The following ACOT9 variants were observed in gnomAD, a reference collection of about 807,000 sequenced individuals.
ACOT9 encodes acyl-coenzyme A thioesterase 9, mitochondrial.
ACOT9 carries 34 observed loss-of-function variants against 39.7 expected under a neutral mutation model. The observed-to-expected ratio is 0.86, with a 90% CI of 0.65 to 1.14. ACOT9 has a LOEUF of 1.14. Ranked by LOEUF, ACOT9 falls within the 50% of genes most tolerant of loss-of-function variation. The pLI is 0.00. For missense variants in ACOT9, 313 were observed against 344.1 expected, an observed-to-expected ratio of 0.91 and a Z score of 0.71; for synonymous variants, 110 against 120.5, an observed-to-expected ratio of 0.91 and a Z score of 0.57.
At position 23,702,129 on chromosome X, in the gene ACOT9, T is replaced by C. The variant is rs1015562584; in HGVS notation, c.*1765A>G. ...ACCTAATTCTGAGGCAGAGCCAAGT[T>C]TGTGAACACTAATGTAGAACCCACA... On this transcript the variant is annotated 3_prime_UTR_variant, in exon 16 of 16. Coordinates refer to ENST00000379303, the MANE Select transcript of ACOT9 (RefSeq NM_001037171.2). 1.8e-5 allele frequency: 2 copies of C among 110,961 alleles called. No individual in the cohort carries two copies. The highest frequency in any genetic ancestry group is 6.6e-5 in the African/African-American group (2 of 30,497). The allele number at this position is 110,961 out of a possible 1,213,427, so 9.1% of individuals were successfully genotyped here.
At position 23,736,296 on chromosome X, in the gene ACOT9, GTCTT is replaced by G. The variant is rs775151917; in HGVS notation, c.21-284_21-281del. ...ACTAGGTTTAATGCATTTATTATTG[GTCTT>G]TCTATTTTATTAGTTTCAGAAGTCC... On this transcript the variant is annotated intron_variant, in intron 1 of 15. Coordinates refer to ENST00000379303, the MANE Select transcript of ACOT9 (RefSeq NM_001037171.2). Among the ~76,000 whole-genome samples the G allele has an allele frequency of 1.9e-4, 21 of 111,901 alleles. No homozygotes were observed. In the Admixed American group the frequency reaches 1.9e-3, roughly 10 times the overall value.
intron 6 of ACOT9, among the ~76,000 whole-genome samples, chrX:23,726,498 C>T (rs1049463914): frequency 1.3e-4 from 14 of 110,244 alleles, no homozygotes; most frequent in Non-Finnish European, 2.1e-4. Flanking sequence ...GATTCAATGG[C>T]GTGGAGGAGC....
chrX:23,737,451 A>T (rs1929980612), intron 1 of ACOT9, among the ~76,000 whole-genome samples: 1 of 112,225 alleles, frequency 8.9e-6, no homozygotes, highest in South Asian at 3.7e-4. Flanking sequence ...AAAAAAAGAG[A>T]TATTTTTAGT....
At position 23,703,768 on chromosome X, in the gene ACOT9, G is replaced by A; in HGVS notation, c.*126C>T. On this transcript the variant is annotated 3_prime_UTR_variant, in exon 16 of 16. Transcript: ENST00000379303. The stretch of plus-strand genomic sequence containing the variant: ...TTCTGCTTTTCTGATCATCCTAAAG[G>A]CTGAATACATCCTCCTCCTGTGTGG... The A allele has an allele frequency of 1.9e-6, 1 of 514,231 alleles. No individual in the cohort carries two copies. The highest frequency in any genetic ancestry group is 3.3e-6 in the Non-Finnish European group (1 of 302,814). The allele number at this position is 514,231 out of a possible 1,213,427, so 42.4% of individuals were successfully genotyped here.
intron 8 of ACOT9, among the ~76,000 whole-genome samples, chrX:23,719,937 C>A (rs1048610943): frequency 9.0e-6 from 1 of 111,100 alleles, no homozygotes; most frequent in African/African-American, 3.3e-5. Context: ...CCTGGGTTCA[C>A]GCCATTCTCC....
intron 4 of ACOT9, among the ~76,000 whole-genome samples, chrX:23,731,698 T>C (rs1041795150): frequency 9.1e-6 from 1 of 109,911 alleles, no homozygotes; most frequent in Non-Finnish European, 1.9e-5. Context: ...CTGACAGTTC[T>C]CGGATTCTTT....
At chrX:23,742,037 G>T (rs1434165901) in intron 1 of ACOT9, among the ~76,000 whole-genome samples, 1 of 110,866 alleles carries the variant, frequency 9.0e-6, no homozygotes, top group Non-Finnish European at 1.9e-5. Context: ...CAAGACCATG[G>T]AGCTTTTGTA....
rs147682207 is a variant in ACOT9 at position 23,704,789 on chromosome X, G to C, written c.1163C>G (p.Ser388Cys). 1 of 1,210,420 alleles carries C rather than the reference G, an allele frequency of 8.3e-7. No homozygotes were observed. Among genetic ancestry groups the C allele is most frequent in the Non-Finnish European group, 1.1e-6 (1 of 894,369 alleles). Reference protein sequence around the residue: ...IQVRVHSEVASLQEKQHTTTN... With the variant: ...IQVRVHSEVACLQEKQHTTTN... The stretch of plus-strand genomic sequence containing the variant: ...GGTTGTATGCTGCTTCTCCTGCAGG[G>C]AGGCCACTTCACTGTGTACTCTGAC... The change falls in exon 15 of 16, where the codon TCC (serine) becomes TGC (cysteine). Residue 388 changes from serine (S) to cysteine (C), a missense_variant. By Grantham distance (112) the Ser-to-Cys change is moderately radical. Coordinates refer to ENST00000379303, the MANE Select transcript of ACOT9 (RefSeq NM_001037171.2).
chrX:23,730,379 C>T, intron 6 of ACOT9, 148 bp downstream of exon 6: 1 of 452,013 alleles, frequency 2.2e-6, no homozygotes, highest in Non-Finnish European at 3.8e-6. Context: ...AGGCATGAGC[C>T]ACCACGCCCG....
intron 6 of ACOT9, among the ~76,000 whole-genome samples, chrX:23,728,836 G>C (rs1388847246): frequency 9.0e-6 from 1 of 111,576 alleles, no homozygotes; most frequent in Non-Finnish European, 1.9e-5. Flanking sequence ...GATGAGCCTA[G>C]AATATTTTAT....
chrX:23,704,748 A>T lies in ACOT9; in HGVS notation c.1204T>A (p.Phe402Ile), dbSNP rs140445911. Residue 402 changes from phenylalanine (F) to isoleucine (I), a missense_variant, in exon 15 of 16, where the codon TTC becomes ATC. Physicochemically the swap from Phe to Ile is conservative, Grantham distance 21. Transcript: ENST00000379303. ...KQHTTTNVFH[F>I]TFMSEKEVPL... ...ACTTCTTTTTCCGACATGAACGTGA[A>T]ATGAAAGACATTGGTGGTTGTATGC... The T allele has an allele frequency of 9.1e-6, 11 of 1,209,934 alleles. No individual in the cohort carries two copies. The African/African-American group carries it at 1.9e-4, about 21-fold the overall frequency.
intron 8 of ACOT9, among the ~76,000 whole-genome samples, chrX:23,715,366 C>T (rs1374838799): frequency 9.0e-6 from 1 of 111,566 alleles, no homozygotes; most frequent in East Asian, 2.8e-4. Flanking sequence ...TCACGACATT[C>T]CTCCCCTCCC....
chrX:23,722,949 C>T (rs951356923), intron 6 of ACOT9, among the ~76,000 whole-genome samples, 196 bp from the exon 7 acceptor site: 5 of 111,187 alleles, frequency 4.5e-5, no homozygotes, highest in Non-Finnish European at 7.5e-5. Flanking sequence ...AATCTGACTG[C>T]CCCCTCAATT....
chrX:23,705,201 GA>G (rs1928635360), intron 13 of ACOT9, 121 bp from the exon 14 acceptor site: 2 of 658,836 alleles, frequency 3.0e-6, no homozygotes, highest in Non-Finnish European at 4.8e-6. Context: ...AGAGAAGGGG[GA>G]AAAGATCCTA....
intron 4 of ACOT9, among the ~76,000 whole-genome samples, 173 bp from the exon 5 acceptor site, chrX:23,731,159 C>G (rs748085705): frequency 8.9e-6 from 1 of 111,951 alleles, no homozygotes; most frequent in East Asian, 2.8e-4. Context: ...TTGATCATTT[C>G]CGGTATCATT....
rs751005775 is a variant in ACOT9 at position 23,703,269 on chromosome X, G to C, written c.*625C>G. 3.6e-5 allele frequency: 4 copies of C among 111,717 alleles called. No individual in the cohort carries two copies. The East Asian group carries it at 1.1e-3, about 31-fold the overall frequency. 9.2% of individuals were successfully genotyped at this position (111,717 alleles called of 1,213,427 possible). A position where few individuals can be genotyped will look rare whatever the true frequency, so the allele number is the denominator to read the frequency against. On this transcript the variant is annotated 3_prime_UTR_variant, in exon 16 of 16. Coordinates refer to ENST00000379303, the MANE Select transcript of ACOT9 (RefSeq NM_001037171.2). ...ACCCTGGCAGGAAACCTTGTATACT[G>C]ACAGTTGCAATATGTGTAAGAAAAG...
intron 8 of ACOT9, among the ~76,000 whole-genome samples, chrX:23,714,221 A>G (rs1929002724): frequency 9.0e-6 from 1 of 110,915 alleles, no homozygotes; most frequent in South Asian, 3.8e-4. Flanking sequence ...CTGATGGCAC[A>G]CCTACCCAGA....
At chrX:23,736,096 T>C (rs1929944022) in intron 1 of ACOT9, 80 bp from the exon 2 acceptor site, 1 of 719,998 alleles carries the variant, frequency 1.4e-6, no homozygotes, top group Admixed American at 2.9e-5. Flanking sequence ...CCTCCCAGAG[T>C]ATCTGGCCAT....
chrX:23,743,056 A>G, intron 1 of ACOT9, 69 bp downstream of exon 1: 1 of 1,085,853 alleles, frequency 9.2e-7, no homozygotes, highest in Non-Finnish European at 1.2e-6. Flanking sequence ...GCCAGCCCGA[A>G]GCTCTAGGGG....
Sources: allele counts gnomAD v4.1 joint callset (sites outside exome capture counted in the v4.1 genomes callset), GRCh38; gene constraint gnomAD v4.1.1; transcripts MANE v1.5; gene names NCBI Gene and HGNC (gene_info 2026-07-23, HGNC 2026-07-21).